The following FYN variants were observed in gnomAD, a reference collection of about 807,000 sequenced individuals.
The protein encoded by FYN is FYN proto-oncogene, Src family tyrosine kinase, also known as tyrosine-protein kinase Fyn.
FYN carries 10 observed loss-of-function variants against 70.2 expected under a neutral mutation model. That is an observed-to-expected ratio of 0.14 (90% CI 0.09 to 0.24). The LOEUF (loss-of-function observed/expected upper bound fraction) is 0.24. Among genes scored for constraint, FYN ranks in the 10% least tolerant of loss-of-function variants. The probability of loss-of-function intolerance (pLI) is 1.00; values close to 1 mark genes in which losing one functional copy is unlikely to be tolerated. For missense variants in FYN, 319 were observed against 673.1 expected (o/e 0.47, Z 5.82); for synonymous variants, 236 against 248.6 (o/e 0.95, Z 0.48).
intron 2 of FYN, among the ~76,000 whole-genome samples, chr6:111,820,664 T>C (rs1332985800): frequency 6.6e-6 from 1 of 152,162 alleles, no homozygotes; most frequent in East Asian, 1.9e-4. Flanking sequence ...TCACTGAATT[T>C]ACAGGTACGT....
At chr6:111,814,197 A>C (rs1375115833) in intron 2 of FYN, 1 of 152,182 alleles carries the variant, frequency 6.6e-6, no homozygotes, top group Non-Finnish European at 1.5e-5. Context: ...CAGTATTCCT[A>C]TTCAACATTT....
At position 111,795,584 on chromosome 6, in the gene FYN, T is replaced by G. The variant is rs540363371; in HGVS notation, c.-81-14949A>C. ...TGATATAAACATGTATTAAATTATT[T>G]GTGTCACACCAAAATAAATGGAAGA... is the stretch of plus-strand genomic sequence containing the variant. On this transcript the variant is annotated intron_variant, in intron 2 of 13. Transcript: ENST00000354650. Among the ~76,000 whole-genome samples, 11 of 152,326 alleles carry G rather than the reference T, an allele frequency of 7.2e-5. No homozygotes were observed. The South Asian group carries it at 2.3e-3, about 32-fold the overall frequency.
intron 6 of FYN, among the ~76,000 whole-genome samples, chr6:111,706,898 T>C (rs1369334322): frequency 6.6e-6 from 1 of 152,024 alleles, no homozygotes; most frequent in East Asian, 1.9e-4. Context: ...ACACAGTCAC[T>C]AGGAGAAAGA....
intron 2 of FYN, among the ~76,000 whole-genome samples, chr6:111,819,391 C>T (rs992628674): frequency 6.6e-6 from 1 of 152,166 alleles, no homozygotes; most frequent in Non-Finnish European, 1.5e-5. Flanking sequence ...TTGCTGAAGT[C>T]ATTCAAATTC....
intron 1 of FYN, among the ~76,000 whole-genome samples, chr6:111,862,004 T>C (rs1773977677): frequency 6.6e-6 from 1 of 152,146 alleles, no homozygotes; most frequent in Admixed American, 6.5e-5. Flanking sequence ...CAGCCAAAAT[T>C]GGGCTATACA....
At chr6:111,869,301 C>T (rs968308433) in intron 1 of FYN, among the ~76,000 whole-genome samples, 1 of 152,262 alleles carries the variant, frequency 6.6e-6, no homozygotes, top group Non-Finnish European at 1.5e-5. Flanking sequence ...TCCTGCCCTT[C>T]CGTTAAGAAG....
chr6:111,674,181 C>T (rs1286413565), intron 13 of FYN, among the ~76,000 whole-genome samples: 5 of 152,172 alleles, frequency 3.3e-5, no homozygotes, highest in African/African-American at 4.8e-5. Flanking sequence ...CTGCCAGTGA[C>T]ATTTCTGCTC....
chr6:111,686,470 A>G (rs992488058), intron 12 of FYN, among the ~76,000 whole-genome samples: 1 of 152,006 alleles, frequency 6.6e-6, no homozygotes, highest in African/African-American at 2.4e-5. Flanking sequence ...TAGACTCTCA[A>G]TGTGGGCTGG....
chr6:111,810,042 T>C (rs962619803), intron 2 of FYN, among the ~76,000 whole-genome samples: 1 of 152,220 alleles, frequency 6.6e-6, no homozygotes. Flanking sequence ...GTGAAGGTAG[T>C]AGCTCTCTGG....
chr6:111,700,791 C>T lies in FYN; in HGVS notation c.698-523G>A, dbSNP rs1799798311. On this transcript the variant is annotated intron_variant, in intron 8 of 13. Coordinates refer to ENST00000354650, the MANE Select transcript of FYN (RefSeq NM_002037.5). ...GGGGATTAGGGATCTCTCTATATGACTATACTTAAAATTATAACTTTAGTG... is the reference window on the plus strand; with the variant it reads ...GGGGATTAGGGATCTCTCTATATGATTATACTTAAAATTATAACTTTAGTG... 2.0e-5 allele frequency among the ~76,000 whole-genome samples: 3 copies of T among 152,070 alleles called. No homozygotes were observed. In the South Asian group the frequency reaches 6.2e-4, roughly 32 times the overall value.
intron 3 of FYN, among the ~76,000 whole-genome samples, chr6:111,732,195 T>C (rs1178307746): frequency 6.6e-6 from 1 of 152,256 alleles, no homozygotes; most frequent in Non-Finnish European, 1.5e-5. Context: ...CATACCAGCA[T>C]ACATTCTGCG....
chr6:111,698,769 T>A (rs1254025635), intron 9 of FYN, among the ~76,000 whole-genome samples: 2 of 152,144 alleles, frequency 1.3e-5, no homozygotes, highest in Non-Finnish European at 2.9e-5. Flanking sequence ...ACCCATGTAA[T>A]CCTAAAAATA....
At chr6:111,869,518 G>A (rs1774210334) in intron 1 of FYN, among the ~76,000 whole-genome samples, 2 of 152,162 alleles carry the variant, frequency 1.3e-5, no homozygotes, top group Admixed American at 1.3e-4. Flanking sequence ...AGCCTCTTGA[G>A]TAGCTGGGAC....
chr6:111,671,231 C>T (rs1188715860), intron 13 of FYN, among the ~76,000 whole-genome samples: 1 of 152,100 alleles, frequency 6.6e-6, no homozygotes, highest in Non-Finnish European at 1.5e-5. Flanking sequence ...TGTCGTCTTC[C>T]CTTCTTTTGT....
chr6:111,665,350 AT>A lies in FYN; in HGVS notation c.1406-3404del, dbSNP rs138427570. Among the ~76,000 whole-genome samples the A allele has an allele frequency of 6.5e-3, 983 of 152,060 alleles. 9 individuals carry two copies. The highest frequency in any genetic ancestry group is 0.022 in the African/African-American group (925 of 41,468). On this transcript the variant is annotated intron_variant, in intron 13 of 13. Transcript: ENST00000354650. ...TTGAAAATCATGGTTTTTTTAAATA[AT>A]TTTTTTTAAATGGCTTTTACTCTGC... is the stretch of plus-strand genomic sequence containing the variant.
chr6:111,826,511 A>G (rs1772838829), intron 2 of FYN, among the ~76,000 whole-genome samples: 1 of 152,050 alleles, frequency 6.6e-6, no homozygotes, highest in Non-Finnish European at 1.5e-5. Flanking sequence ...ATCCAAAAAC[A>G]TGACTAATTT....
At chr6:111,802,555 C>T (rs1001318259) in intron 2 of FYN, among the ~76,000 whole-genome samples, 4 of 152,060 alleles carry the variant, frequency 2.6e-5, no homozygotes, top group Non-Finnish European at 5.9e-5. Flanking sequence ...GCTTCAGCCT[C>T]CCGATAGCTG....
chr6:111,768,119 G>A (rs1464927224), intron 3 of FYN, among the ~76,000 whole-genome samples: 2 of 152,186 alleles, frequency 1.3e-5, no homozygotes, highest in Non-Finnish European at 2.9e-5. Flanking sequence ...ATGTGTGTGT[G>A]CACACATGCG....
chr6:111,713,276 T>A (rs1399573379), intron 5 of FYN, among the ~76,000 whole-genome samples: 1 of 152,162 alleles, frequency 6.6e-6, no homozygotes, highest in East Asian at 1.9e-4. Context: ...CAATCAGCAC[T>A]CCTCTTTCCT....
Sources: gnomAD v4.1 joint callset for allele counts (sites outside exome capture counted in the v4.1 genomes callset) on GRCh38, gnomAD v4.1.1 for gene constraint, MANE v1.5 for transcripts, NCBI Gene and HGNC (gene_info 2026-07-23, HGNC 2026-07-21) for gene names.